PDE1A: variants seen among roughly 807,000 people sequenced by gnomAD.
The protein encoded by PDE1A is phosphodiesterase 1A.
Under a neutral mutation model 61.7 loss-of-function variants are expected in PDE1A, and 35 were observed. The observed-to-expected ratio is 0.57, with a 90% CI of 0.43 to 0.75. The LOEUF (loss-of-function observed/expected upper bound fraction) is 0.75, where lower values mean the gene tolerates loss of function less well. Ranked by LOEUF, PDE1A falls within the 30% of genes least tolerant of loss-of-function variation. The pLI, the probability that PDE1A is intolerant of heterozygous loss-of-function variation, is 0.00. For missense variants in PDE1A, 597 were observed against 630.6 expected (o/e 0.95, Z 0.57); for synonymous variants, 232 against 213.2 (o/e 1.09, Z -0.77).
the PDE1A span, among the ~76,000 whole-genome samples, chr2:182,636,549 C>A: frequency 1.3e-5 from 2 of 152,126 alleles, no homozygotes; most frequent in African/African-American, 4.8e-5. Flanking sequence ...GAGAAAAAAA[C>A]CCATTTAGCA....
intron 1 of PDE1A, among the ~76,000 whole-genome samples, chr2:182,307,979 A>C (rs1412264613): frequency 1.3e-5 from 2 of 152,216 alleles, no homozygotes; most frequent in Non-Finnish European, 2.9e-5. Flanking sequence ...TCATTATGGA[A>C]AACTATATAG....
At chr2:182,224,382 A>T (rs559768568) in intron 6 of PDE1A, among the ~76,000 whole-genome samples, 18 of 152,038 alleles carry the variant, frequency 1.2e-4, no homozygotes, top group African/African-American at 4.3e-4. Flanking sequence ...ATGAAAAAAA[A>T]TTTCATCTAA....
At chr2:182,528,216 G>A in the PDE1A span, among the ~76,000 whole-genome samples, 3 of 152,198 alleles carry the variant, frequency 2.0e-5, no homozygotes, top group African/African-American at 7.2e-5. Flanking sequence ...CCAAAATGCT[G>A]ATAGTGATAT....
At chr2:182,655,228 T>C in the PDE1A span, among the ~76,000 whole-genome samples, 1 of 152,100 alleles carries the variant, frequency 6.6e-6, no homozygotes, top group Non-Finnish European at 1.5e-5. Flanking sequence ...CCATAATAAA[T>C]CCATTCTAAC....
the PDE1A span, among the ~76,000 whole-genome samples, chr2:182,646,546 A>G: frequency 1.3e-5 from 2 of 151,854 alleles, no homozygotes; most frequent in Admixed American, 6.6e-5. Context: ...TTATCTGGGC[A>G]TGGTGGCAGG....
At chr2:182,214,424 T>C (rs1490277694) in intron 7 of PDE1A, among the ~76,000 whole-genome samples, 2 of 151,504 alleles carry the variant, frequency 1.3e-5, no homozygotes, top group Non-Finnish European at 2.9e-5. Context: ...ATATTAACTT[T>C]AAATGTAAAT....
At chr2:182,203,499 G>A (rs540227790) in intron 8 of PDE1A, among the ~76,000 whole-genome samples, 20 of 152,006 alleles carry the variant, frequency 1.3e-4, no homozygotes, top group East Asian at 7.7e-4. Context: ...CATTTTTTTC[G>A]CTGAAAATAT....
chr2:182,149,514 C>T lies in PDE1A; in HGVS notation c.1517-2362G>A, dbSNP rs375272374. ...TTCCTTGAAAACTAAAATTCCAGCT[C>T]TTTTCAGGAGTAGACACGCAATTGC... On this transcript the variant is annotated intron_variant, in intron 13 of 13. Transcript: ENST00000409365. Among the ~76,000 whole-genome samples, 149 of 152,282 alleles carry T rather than the reference C, an allele frequency of 9.8e-4. 1 individual carries two copies. Among genetic ancestry groups the T allele is most frequent in the African/African-American group, 3.6e-3 (148 of 41,564 alleles).
chr2:182,249,031 A>G (rs910092337), intron 2 of PDE1A, among the ~76,000 whole-genome samples: 1 of 152,196 alleles, frequency 6.6e-6, no homozygotes, highest in African/African-American at 2.4e-5. Flanking sequence ...TAAGTTTCAT[A>G]AAAGACAGAC....
intron 1 of PDE1A, among the ~76,000 whole-genome samples, chr2:182,355,711 G>T (rs1018853824): frequency 5.9e-5 from 9 of 151,858 alleles, no homozygotes; most frequent in Non-Finnish European, 1.3e-4. Context: ...TTTTAAAAAG[G>T]CTTTTAATTA....
At chr2:182,534,650 T>C in the PDE1A span, among the ~76,000 whole-genome samples, 1 of 151,818 alleles carries the variant, frequency 6.6e-6, no homozygotes, top group East Asian at 1.9e-4. Flanking sequence ...ACAATATTTA[T>C]TATTAATTTG....
At chr2:182,477,391 C>T (rs1687433823) in intron 2 of PDE1A, among the ~76,000 whole-genome samples, 1 of 151,882 alleles carries the variant, frequency 6.6e-6, no homozygotes, top group African/African-American at 2.4e-5. Flanking sequence ...CTGCTTTAAA[C>T]ACTTGACAAT....
chr2:182,185,086 G>C (rs186956752), intron 13 of PDE1A, among the ~76,000 whole-genome samples: 3,089 of 152,180 alleles, frequency 0.02, 50 homozygotes, highest in Middle Eastern at 0.031. Context: ...TTTAAGAAAA[G>C]TAAGTTTATT....
chr2:182,376,012 G>T (rs1163564796), intron 1 of PDE1A, among the ~76,000 whole-genome samples: 3 of 152,314 alleles, frequency 2.0e-5, no homozygotes, highest in Middle Eastern at 3.4e-3. Flanking sequence ...GCAGCATGGG[G>T]ACCCTGGGCC....
chr2:182,714,814 C>T, the PDE1A span, among the ~76,000 whole-genome samples: 1 of 152,140 alleles, frequency 6.6e-6, no homozygotes, highest in Non-Finnish European at 1.5e-5. Context: ...CCGCCTCAGC[C>T]CCTCAAAGTT....
At chr2:182,620,182 T>G in the PDE1A span, among the ~76,000 whole-genome samples, 1 of 125,548 alleles carries the variant, frequency 8.0e-6, no homozygotes, top group Non-Finnish European at 1.8e-5. Flanking sequence ...TGTATTTATT[T>G]CTTTATTTAA....
At chr2:182,430,362 A>T (rs990997547), upstream of PDE1A, among the ~76,000 whole-genome samples, 7 of 110,532 alleles carry the variant, frequency 6.3e-5, no homozygotes, top group Admixed American at 2.0e-4. Flanking sequence ...AGAAATGCTC[A>T]TCATCACTGG....
chr2:182,625,516 A>AG, the PDE1A span, among the ~76,000 whole-genome samples: 1 of 152,224 alleles, frequency 6.6e-6, no homozygotes, highest in Non-Finnish European at 1.5e-5. Flanking sequence ...TGCCTTGAAG[A>AG]AATCTCTCTG....
chr2:182,192,467 C>G (rs1447956944), intron 10 of PDE1A, among the ~76,000 whole-genome samples: 2 of 151,994 alleles, frequency 1.3e-5, no homozygotes, highest in African/African-American at 4.8e-5. Context: ...TATGAAGGAA[C>G]TAGAACTTTG....
Sources: gnomAD v4.1 joint callset for allele counts (sites outside exome capture counted in the v4.1 genomes callset) on GRCh38, gnomAD v4.1.1 for gene constraint, MANE v1.5 for transcripts, NCBI Gene and HGNC (gene_info 2026-07-23, HGNC 2026-07-21) for gene names.